The following ZNF385D variants were observed in gnomAD, a reference collection of about 807,000 sequenced individuals.
ZNF385D encodes the protein zinc finger protein 385D.
Under a neutral mutation model 35.8 loss-of-function variants are expected in ZNF385D, and 15 were observed. The ratio of observed to expected loss-of-function variants is 0.42; its 90% CI spans 0.28 to 0.64. ZNF385D has a LOEUF of 0.64. Among genes scored for constraint, ZNF385D ranks in the 30% least tolerant of loss-of-function variants. ZNF385D has a pLI of 0.23. For synonymous variants in ZNF385D, 212 were observed against 186.8 expected (o/e 1.13, Z -1.10); for missense variants, 474 against 494.6 (o/e 0.96, Z 0.39).
At chr3:22,200,755 G>C (rs1333656333) in intron 2 of ZNF385D, among the ~76,000 whole-genome samples, 2 of 152,046 alleles carry the variant, frequency 1.3e-5, no homozygotes, top group Non-Finnish European at 2.9e-5. Context: ...ACCGTCTATA[G>C]ACCTACCCCC....
intron 2 of ZNF385D, among the ~76,000 whole-genome samples, chr3:22,222,464 G>A: frequency 6.6e-6 from 1 of 152,152 alleles, no homozygotes; most frequent in East Asian, 1.9e-4. Context: ...GGCCCTCAAA[G>A]GAAATGGTCA....
At chr3:21,943,501 T>C (rs1264465161) in intron 3 of ZNF385D, among the ~76,000 whole-genome samples, 1 of 151,960 alleles carries the variant, frequency 6.6e-6, no homozygotes, top group Non-Finnish European at 1.5e-5. Flanking sequence ...ATATATTCAG[T>C]ATATTTCATC....
At chr3:21,547,844 C>G (rs1389012415) in intron 3 of ZNF385D, among the ~76,000 whole-genome samples, 3 of 152,050 alleles carry the variant, frequency 2.0e-5, no homozygotes, top group Admixed American at 6.5e-5. Context: ...CTTCTGACCT[C>G]AGGTGGTCCA....
At chr3:21,824,118 C>G (rs978470359) in intron 3 of ZNF385D, among the ~76,000 whole-genome samples, 3 of 152,118 alleles carry the variant, frequency 2.0e-5, no homozygotes, top group African/African-American at 4.8e-5. Context: ...AAAGAGATGA[C>G]AAAAGGTGAT....
intron 3 of ZNF385D, among the ~76,000 whole-genome samples, chr3:21,837,795 C>A (rs542059882): frequency 6.6e-6 from 1 of 151,156 alleles, no homozygotes; most frequent in South Asian, 2.1e-4. Context: ...TTGCTTGAAC[C>A]CGAGAGGTGG....
intron 3 of ZNF385D, among the ~76,000 whole-genome samples, chr3:21,907,013 C>T (rs569782682): frequency 3.0e-4 from 46 of 152,170 alleles, no homozygotes; most frequent in Non-Finnish European, 4.9e-4. Flanking sequence ...CTGCATCTAC[C>T]CAGGATCCAT....
chr3:22,113,578 T>C (rs182464903), intron 3 of ZNF385D, among the ~76,000 whole-genome samples: 6 of 152,236 alleles, frequency 3.9e-5, no homozygotes, highest in African/African-American at 1.4e-4. Context: ...GGGACATTAC[T>C]GTCAATAAAG....
chr3:21,859,937 A>C (rs1450676218), intron 3 of ZNF385D, among the ~76,000 whole-genome samples: 1 of 152,042 alleles, frequency 6.6e-6, no homozygotes, highest in African/African-American at 2.4e-5. Context: ...CACGCTCTGC[A>C]TCCTGCTGAA....
chr3:21,997,683 TTA>T (rs1695555620), intron 3 of ZNF385D, among the ~76,000 whole-genome samples: 1 of 152,114 alleles, frequency 6.6e-6, no homozygotes, highest in African/African-American at 2.4e-5. Context: ...CTCTTTCAAG[TTA>T]TCAGATTTTG....
intron 3 of ZNF385D, among the ~76,000 whole-genome samples, chr3:21,927,094 C>T (rs1700766122): frequency 6.6e-6 from 1 of 151,958 alleles, no homozygotes; most frequent in African/African-American, 2.4e-5. Flanking sequence ...CCCATGATAG[C>T]TTATTGTTTA....
intron 3 of ZNF385D, among the ~76,000 whole-genome samples, chr3:21,830,957 C>G (rs1310045578): frequency 6.6e-6 from 1 of 152,098 alleles, no homozygotes; most frequent in East Asian, 1.9e-4. Context: ...ATAAGATATT[C>G]TGTTAAAAAC....
chr3:22,320,606 A>T (rs1694365454), intron 2 of ZNF385D, among the ~76,000 whole-genome samples: 1 of 150,094 alleles, frequency 6.7e-6, no homozygotes, highest in South Asian at 2.1e-4. Context: ...CTAAAGTTTT[A>T]CTGATTACTT....
At chr3:22,319,772 C>T (rs1694314267) in intron 2 of ZNF385D, among the ~76,000 whole-genome samples, 1 of 152,158 alleles carries the variant, frequency 6.6e-6, no homozygotes, top group African/African-American at 2.4e-5. Flanking sequence ...CCACAATAAG[C>T]ACAAGCTGAT....
At chr3:21,813,404 G>A (rs533083991) in intron 3 of ZNF385D, among the ~76,000 whole-genome samples, 10 of 152,266 alleles carry the variant, frequency 6.6e-5, no homozygotes, top group East Asian at 1.9e-4. Context: ...AAACTTCTCC[G>A]AGCTAAAGGA....
intron 3 of ZNF385D, among the ~76,000 whole-genome samples, chr3:22,115,774 T>C (rs1044733304): frequency 4.6e-5 from 7 of 152,140 alleles, no homozygotes; most frequent in South Asian, 4.1e-4. Flanking sequence ...ATATGACCTC[T>C]GAAGCACTTT....
rs114351699 is a variant in ZNF385D at position 22,230,840 on chromosome 3, G to A, written c.107-61805C>T. Among the ~76,000 whole-genome samples the A allele has an allele frequency of 2.5e-3, 384 of 152,176 alleles. 2 individuals carry two copies. Among genetic ancestry groups the A allele is most frequent in the African/African-American group, 9.0e-3 (373 of 41,504 alleles). On this transcript the variant is annotated intron_variant, in intron 2 of 5. Transcript: ENST00000494108. ...TATTGTTGTCTGCTTGCAGTGCCAT[G>A]GAAAAGAAGCAGAGGAAAAAGTGTG...
chr3:22,169,717 G>T (rs1706560525), intron 2 of ZNF385D, among the ~76,000 whole-genome samples: 1 of 152,126 alleles, frequency 6.6e-6, no homozygotes, highest in South Asian at 2.1e-4. Context: ...CATTACTTCT[G>T]GATAAATGTA....
At chr3:22,292,636 T>C (rs867584903) in intron 2 of ZNF385D, among the ~76,000 whole-genome samples, 3 of 152,250 alleles carry the variant, frequency 2.0e-5, no homozygotes, top group Middle Eastern at 3.4e-3. Context: ...ATCTACAGAC[T>C]TCAATAGATA....
rs1700574873 is a variant in ZNF385D, at chr3:21,417,226, C to G, written c.*3988G>C. The G allele has an allele frequency of 6.6e-6, 1 of 152,050 alleles. No homozygotes were observed. 9.4% of individuals were successfully genotyped at this position (152,050 alleles called of 1,614,324 possible). A position where few individuals can be genotyped will look rare whatever the true frequency, so the allele number is the denominator to read the frequency against. Reference sequence around the variant, plus strand: ...TCCTGAGAGGATAAAAGCAATGCCCCTCTAGTGCTGATGTATTAAACCAGC... The same window carrying G: ...TCCTGAGAGGATAAAAGCAATGCCCGTCTAGTGCTGATGTATTAAACCAGC... On this transcript the variant is annotated 3_prime_UTR_variant, in exon 8 of 8. Transcript: ENST00000281523.
Sources: allele counts gnomAD v4.1 joint callset (sites outside exome capture counted in the v4.1 genomes callset), GRCh38; gene constraint gnomAD v4.1.1; transcripts MANE v1.5; gene names NCBI Gene and HGNC (gene_info 2026-07-23, HGNC 2026-07-21).